The following EPM2A variants were observed in gnomAD, a reference collection of about 807,000 sequenced individuals.
The protein encoded by EPM2A is laforin.
Under a neutral mutation model 26.5 loss-of-function variants are expected in EPM2A, and 21 were observed. The ratio of observed to expected loss-of-function variants is 0.79; its 90% CI spans 0.56 to 1.14. The LOEUF is 1.14. EPM2A is among the 50% of genes most tolerant of loss of function. The pLI is 0.00. For missense variants in EPM2A, 458 were observed against 440.8 expected (o/e 1.04, Z -0.35); for synonymous variants, 217 against 177.6 (o/e 1.22, Z -1.76).
chr6:145,682,791 TC>T (rs775729576), intron 2 of EPM2A: 1 of 152,182 alleles, frequency 6.6e-6, no homozygotes, highest in African/African-American at 2.4e-5. Flanking sequence ...GCAATTCCAT[TC>T]TGATATGATT....
At chr6:145,446,377 C>CTGGTATAATATGCTATGT (rs1429861166) in intron 4 of EPM2A, among the ~76,000 whole-genome samples, 16 of 152,222 alleles carry the variant, frequency 1.1e-4, no homozygotes, top group South Asian at 2.1e-4. Context: ...ATAACTAGAT[C>CTGGTATAATATGCTATGT]ATCAGTGGGC....
At chr6:145,442,754 T>C (rs780206738) in intron 4 of EPM2A, among the ~76,000 whole-genome samples, 21 of 152,220 alleles carry the variant, frequency 1.4e-4, no homozygotes, top group Non-Finnish European at 2.5e-4. Flanking sequence ...CTGGGCTCTC[T>C]ATTCTGTTCC....
intron 4 of EPM2A, among the ~76,000 whole-genome samples, chr6:145,492,831 G>A (rs1271630487): frequency 6.6e-6 from 1 of 152,148 alleles, no homozygotes. Flanking sequence ...GATGGAGCTG[G>A]GGGATTTTAT....
rs531355286 is a variant in EPM2A, at chr6:145,708,757, T to C, written c.302-22461A>G. Among the ~76,000 whole-genome samples the C allele has an allele frequency of 3.3e-5, 5 of 152,282 alleles. No homozygotes were observed. In the East Asian group the frequency reaches 9.7e-4, roughly 29 times the overall value. On this transcript the variant is annotated intron_variant, in intron 1 of 3. Transcript: ENST00000367519. ...CCACACAGAGTCCCCACTGGGGCAC[T>C]GCCTAATGGAGCTGTTAGAAGAGGG... is the stretch of plus-strand genomic sequence containing the variant.
chr6:145,502,018 A>T (rs549583499), intron 3 of EPM2A, among the ~76,000 whole-genome samples: 3 of 152,082 alleles, frequency 2.0e-5, no homozygotes, highest in Non-Finnish European at 4.4e-5. Flanking sequence ...TAACCTCTAA[A>T]CTCTTGCCCT....
At position 145,627,064 on chromosome 6, in the gene EPM2A, A is replaced by G. The variant is rs770443726; in HGVS notation, c.*352T>C. On this transcript the variant is annotated 3_prime_UTR_variant, in exon 4 of 4. Coordinates refer to ENST00000367519, the MANE Select transcript of EPM2A (RefSeq NM_005670.4). ...CTACATGGCCAAGAGTTTCAGTGCA[A>G]CAGGAAAGTGCTGTCACGGATCCAT... 3.1e-5 allele frequency: 37 copies of G among 1,183,350 alleles called. No individual in the cohort carries two copies. Among genetic ancestry groups the G allele is most frequent in the Non-Finnish European group, 3.3e-5 (31 of 947,340 alleles). 73.3% of individuals were successfully genotyped at this position (1,183,350 alleles called of 1,614,324 possible). A position where few individuals can be genotyped will look rare whatever the true frequency, so the allele number is the denominator to read the frequency against.
At chr6:145,727,245 G>C (rs117607036) in intron 1 of EPM2A, among the ~76,000 whole-genome samples, 1,647 of 152,082 alleles carry the variant, frequency 0.011, 13 homozygotes, top group Admixed American at 0.017. Context: ...CTTCAACATG[G>C]TCACGAATTT....
chr6:145,479,052 T>A (rs1267698616), intron 4 of EPM2A, among the ~76,000 whole-genome samples: 1 of 151,342 alleles, frequency 6.6e-6, no homozygotes, highest in African/African-American at 2.4e-5. Flanking sequence ...AAGCTTGTTA[T>A]CTGTGTCACT....
chr6:145,495,406 G>A (rs568357119), intron 4 of EPM2A, among the ~76,000 whole-genome samples: 2 of 151,092 alleles, frequency 1.3e-5, no homozygotes, highest in South Asian at 4.2e-4. Flanking sequence ...TGGGTCTCTT[G>A]AAGACAACAT....
chr6:145,677,177 A>G (rs1780114640), intron 2 of EPM2A, among the ~76,000 whole-genome samples: 1 of 152,262 alleles, frequency 6.6e-6, no homozygotes, highest in Non-Finnish European at 1.5e-5. Context: ...AACCAATGAA[A>G]AAAACCACAT....
chr6:145,732,409 C>CATATAT (rs761922660), intron 1 of EPM2A, among the ~76,000 whole-genome samples: 25 of 144,348 alleles, frequency 1.7e-4, no homozygotes, highest in African/African-American at 6.2e-4. Context: ...AACACACACA[C>CATATAT]ACATATATAT....
chr6:145,552,242 C>T (rs532513062), intron 2 of EPM2A, among the ~76,000 whole-genome samples: 11 of 151,640 alleles, frequency 7.3e-5, no homozygotes, highest in Non-Finnish European at 1.3e-4. Context: ...TCTTCAGATC[C>T]CAGAAGCCAA....
chr6:145,434,521 C>G (rs1304654502), intron 4 of EPM2A, among the ~76,000 whole-genome samples: 1 of 152,012 alleles, frequency 6.6e-6, no homozygotes, highest in Non-Finnish European at 1.5e-5. Flanking sequence ...TCTGGGATTT[C>G]TATTTGATTT....
intron 4 of EPM2A, among the ~76,000 whole-genome samples, chr6:145,422,587 T>A (rs1305408245): frequency 6.6e-6 from 1 of 151,988 alleles, no homozygotes; most frequent in East Asian, 1.9e-4. Context: ...TTCACCTTTC[T>A]CAAAAAAACT....
chr6:145,557,028 C>A (rs1464531906), intron 2 of EPM2A, among the ~76,000 whole-genome samples: 1 of 151,918 alleles, frequency 6.6e-6, no homozygotes, highest in Non-Finnish European at 1.5e-5. Context: ...GCATTCATGG[C>A]AAAACAGAAA....
intron 1 of EPM2A, among the ~76,000 whole-genome samples, chr6:145,694,371 G>A (rs914906951): frequency 6.6e-6 from 1 of 151,898 alleles, no homozygotes; most frequent in Non-Finnish European, 1.5e-5. Flanking sequence ...CTCTTCTAAT[G>A]GCAAAAACAA....
intron 4 of EPM2A, among the ~76,000 whole-genome samples, chr6:145,475,025 T>C (rs1257402323): frequency 6.6e-6 from 1 of 152,114 alleles, no homozygotes; most frequent in Non-Finnish European, 1.5e-5. Flanking sequence ...TTCATGGGAG[T>C]GTAAATTAGT....
chr6:145,550,511 G>A (rs1415992028), intron 2 of EPM2A, among the ~76,000 whole-genome samples: 1 of 151,898 alleles, frequency 6.6e-6, no homozygotes, highest in South Asian at 2.1e-4. Flanking sequence ...CAAATCCTCA[G>A]AAAGAAGAGG....
At chr6:145,578,969 G>A (rs970017890) in intron 2 of EPM2A, among the ~76,000 whole-genome samples, 1 of 152,144 alleles carries the variant, frequency 6.6e-6, no homozygotes, top group Admixed American at 6.5e-5. Context: ...TATGGACACA[G>A]GAAGGGGAAC....
Sources: gnomAD v4.1 joint callset for allele counts (sites outside exome capture counted in the v4.1 genomes callset) on GRCh38, gnomAD v4.1.1 for gene constraint, MANE v1.5 for transcripts, NCBI Gene and HGNC (gene_info 2026-07-23, HGNC 2026-07-21) for gene names.